PTPRM: variants seen among roughly 807,000 people sequenced by gnomAD.
The protein encoded by PTPRM is receptor-type tyrosine-protein phosphatase mu.
A neutral mutation model predicts 186.7 loss-of-function variants in PTPRM; 47 were observed. The ratio of observed to expected loss-of-function variants is 0.25; its 90% CI spans 0.20 to 0.32. PTPRM has a LOEUF of 0.32. PTPRM is among the 10% of genes least tolerant of loss of function. The probability of loss-of-function intolerance (pLI) is 1.00; values close to 1 mark genes in which losing one functional copy is unlikely to be tolerated. For synonymous variants in PTPRM, 668 were observed against 674.9 expected, an observed-to-expected ratio of 0.99 and a Z score of 0.16; for missense variants, 1,494 against 1,865.0, an observed-to-expected ratio of 0.80 and a Z score of 3.66.
At chr18:8,376,319 G>T in intron 25 of PTPRM, 119 bp downstream of exon 25, 1 of 1,527,962 alleles carries the variant, frequency 6.5e-7, no homozygotes. Flanking sequence ...ACAACATTTT[G>T]GGAGCACTAA....
intron 12 of PTPRM, among the ~76,000 whole-genome samples, chr18:8,114,214 C>A: frequency 6.7e-6 from 1 of 149,574 alleles, no homozygotes; most frequent in Non-Finnish European, 1.5e-5. Flanking sequence ...AATTTGGTAT[C>A]TTTTTTTTTT....
chr18:7,661,341 T>C (rs532735895), intron 1 of PTPRM, among the ~76,000 whole-genome samples: 4 of 152,356 alleles, frequency 2.6e-5, no homozygotes, highest in Non-Finnish European at 5.9e-5. Context: ...CCATTGGTTT[T>C]GTTTCTTGTG....
intron 7 of PTPRM, among the ~76,000 whole-genome samples, chr18:8,054,322 T>TA (rs1555710867): frequency 4.4e-5 from 6 of 135,166 alleles, no homozygotes; most frequent in South Asian, 2.3e-4. Context: ...TATATATATA[T>TA]TACTACTACT....
chr18:7,732,280 G>A (rs1314352159), intron 1 of PTPRM, among the ~76,000 whole-genome samples: 1 of 152,090 alleles, frequency 6.6e-6, no homozygotes, highest in Non-Finnish European at 1.5e-5. Context: ...GAGGGGAAGG[G>A]CCAGTATGAG....
intron 1 of PTPRM, among the ~76,000 whole-genome samples, chr18:7,692,503 G>A (rs2039755442): frequency 6.6e-6 from 1 of 152,206 alleles, no homozygotes; most frequent in Non-Finnish European, 1.5e-5. Context: ...TTAGAGTGTG[G>A]ATAGCAGAAC....
intron 7 of PTPRM, among the ~76,000 whole-genome samples, chr18:7,985,666 G>A (rs928872688): frequency 2.7e-5 from 4 of 150,126 alleles, no homozygotes; most frequent in Admixed American, 6.7e-5. Flanking sequence ...ATATATATAT[G>A]TATATGTATA....
chr18:8,073,720 C>A (rs1258047078), intron 8 of PTPRM, among the ~76,000 whole-genome samples: 1 of 152,106 alleles, frequency 6.6e-6, no homozygotes, highest in Non-Finnish European at 1.5e-5. Context: ...GCCTGGGAAA[C>A]ATAGTGAGAC....
chr18:7,771,842 A>G (rs910889594), intron 1 of PTPRM, among the ~76,000 whole-genome samples: 1 of 152,254 alleles, frequency 6.6e-6, no homozygotes, highest in Non-Finnish European at 1.5e-5. Flanking sequence ...TTGAATGACA[A>G]TGTCAGAGTT....
chr18:7,858,253 G>A (rs1352140046), intron 2 of PTPRM, among the ~76,000 whole-genome samples: 1 of 152,116 alleles, frequency 6.6e-6, no homozygotes, highest in Non-Finnish European at 1.5e-5. Context: ...TTATGTTTTT[G>A]TTTATTAAAA....
chr18:7,806,867 T>A (rs1483624247), intron 2 of PTPRM, among the ~76,000 whole-genome samples: 1 of 152,250 alleles, frequency 6.6e-6, no homozygotes, highest in Non-Finnish European at 1.5e-5. Flanking sequence ...GGAGAACCTA[T>A]GGGAAGAAGG....
At chr18:8,031,503 G>T (rs1481488814) in intron 7 of PTPRM, among the ~76,000 whole-genome samples, 2 of 152,160 alleles carry the variant, frequency 1.3e-5, no homozygotes, top group Non-Finnish European at 2.9e-5. Context: ...AAGCAGTCTG[G>T]ACAGAAAGCT....
At position 7,705,305 on chromosome 18, in the gene PTPRM, A is replaced by G. The variant is rs144345651; in HGVS notation, c.74-68844A>G. Among the ~76,000 whole-genome samples the G allele has an allele frequency of 6.6e-3, 1,005 of 151,564 alleles. 17 individuals carry two copies. Among genetic ancestry groups the G allele is most frequent in the African/African-American group, 0.023 (948 of 41,232 alleles). ...TATCTATCTATCTATCTATCTATCT[A>G]TCTATCTATCTATCTATCTATCTGT... On this transcript the variant is annotated intron_variant, in intron 1 of 32. Transcript: ENST00000580170.
intron 4 of PTPRM, among the ~76,000 whole-genome samples, chr18:7,919,505 C>T (rs922450990): frequency 1.3e-5 from 2 of 152,012 alleles, no homozygotes; most frequent in African/African-American, 2.4e-5. Flanking sequence ...TAAATTTCCA[C>T]GTATTTGCGT....
intron 20 of PTPRM, among the ~76,000 whole-genome samples, chr18:8,310,341 C>T (rs955102608): frequency 8.6e-5 from 13 of 151,634 alleles, no homozygotes; most frequent in African/African-American, 3.2e-4. Flanking sequence ...ATGAAGCACG[C>T]CCCTGCCTGT....
At chr18:8,255,317 G>C (rs1292957594) in intron 19 of PTPRM, among the ~76,000 whole-genome samples, 1 of 152,148 alleles carries the variant, frequency 6.6e-6, no homozygotes, top group Admixed American at 6.5e-5. Context: ...AATAACCTGA[G>C]CCCAATTTTC....
intron 19 of PTPRM, among the ~76,000 whole-genome samples, chr18:8,293,662 T>C (rs1398115943): frequency 2.6e-5 from 4 of 152,212 alleles, no homozygotes; most frequent in Non-Finnish European, 5.9e-5. Context: ...TACTCAACTA[T>C]AAAATTATTG....
intron 2 of PTPRM, chr18:7,887,896 C>T (rs2146346158): frequency 1.4e-6 from 1 of 739,112 alleles, no homozygotes; most frequent in African/African-American, 1.7e-5. Flanking sequence ...GGGAATTTTC[C>T]ATTAATACTA....
intron 1 of PTPRM, among the ~76,000 whole-genome samples, chr18:7,700,659 G>A (rs761293780): frequency 2.0e-5 from 3 of 152,134 alleles, no homozygotes; most frequent in Non-Finnish European, 4.4e-5. Flanking sequence ...CCTCCCAGGC[G>A]CCTGGAAGAT....
chr18:8,235,363 G>T (rs1040656953), intron 14 of PTPRM, among the ~76,000 whole-genome samples: 1 of 151,364 alleles, frequency 6.6e-6, no homozygotes, highest in African/African-American at 2.4e-5. Flanking sequence ...TAGGTATAGA[G>T]TTGTTCGTAA....
Sources: gnomAD v4.1 joint callset for allele counts (sites outside exome capture counted in the v4.1 genomes callset) on GRCh38, gnomAD v4.1.1 for gene constraint, MANE v1.5 for transcripts, NCBI Gene and HGNC (gene_info 2026-07-23, HGNC 2026-07-21) for gene names.